The following DSCAML1 variants were observed in gnomAD, a reference collection of about 807,000 sequenced individuals.
DSCAML1 encodes cell adhesion molecule DSCAML1.
DSCAML1 carries 38 observed loss-of-function variants against 200.5 expected under a neutral mutation model. The ratio of observed to expected loss-of-function variants is 0.19; its 90% CI spans 0.15 to 0.25. The LOEUF (loss-of-function observed/expected upper bound fraction) is 0.25. Among genes scored for constraint, DSCAML1 ranks in the 10% least tolerant of loss-of-function variants. The pLI is 1.00. For missense variants in DSCAML1, 2,223 were observed against 2,858.8 expected, an observed-to-expected ratio of 0.78 and a Z score of 5.07; for synonymous variants, 1,215 against 1,165.0, an observed-to-expected ratio of 1.04 and a Z score of -0.87.
intron 24 of DSCAML1, among the ~76,000 whole-genome samples, chr11:117,438,622 G>C (rs932461835): frequency 6.6e-6 from 1 of 152,122 alleles, no homozygotes; most frequent in East Asian, 1.9e-4. Context: ...CGACAGATTG[G>C]GAAACCCAGA....
At chr11:117,512,643 TACACACACAC>T (rs71037481) in intron 8 of DSCAML1, among the ~76,000 whole-genome samples, 14,120 of 124,988 alleles carry the variant, frequency 0.11, 841 homozygotes, top group East Asian at 0.25. Context: ...CAAGCGTGTG[TACACACACAC>T]ACACACACAC....
intron 22 of DSCAML1, 55 bp downstream of exon 22, chr11:117,439,764 T>C (rs2048005578): frequency 2.0e-6 from 3 of 1,532,318 alleles, no homozygotes; most frequent in Non-Finnish European, 2.7e-6. Flanking sequence ...CACACCGCTC[T>C]TCTACTATAT....
Position 117,431,604 on chromosome 11 carries a change from G to T in DSCAML1, c.5304C>A (p.Thr1768=). The change falls in exon 31 of 33, where the codon ACC becomes ACA. Residue 1768 remains threonine, a synonymous_variant. Coordinates refer to ENST00000651296, the MANE Select transcript of DSCAML1 (RefSeq NM_020693.4). The part of the protein sequence containing the change: ...PARTLTSDWR[T]VGSQHGVTVT... ...CCGTGACACCATGCTGGGAGCCCAC[G>T]GTGCGCCAGTCGGAGGTGAGGGTGC... is the stretch of plus-strand genomic sequence containing the variant. 6.2e-7 allele frequency: 1 copy of T among 1,613,024 alleles called. No homozygotes were observed. Among genetic ancestry groups the T allele is most frequent in the Non-Finnish European group, 8.5e-7 (1 of 1,179,350 alleles).
At chr11:117,471,203 C>A (rs1252023206) in intron 15 of DSCAML1, among the ~76,000 whole-genome samples, 3 of 149,978 alleles carry the variant, frequency 2.0e-5, no homozygotes, top group Admixed American at 2.0e-4. Flanking sequence ...ATGGAGTCTT[C>A]CTCTGTCGCC....
chr11:117,431,977 G>A (rs924076196), intron 30 of DSCAML1, among the ~76,000 whole-genome samples: 2 of 152,116 alleles, frequency 1.3e-5, no homozygotes, highest in Non-Finnish European at 2.9e-5. Context: ...TTCCACCTGG[G>A]GGAGAATGTG....
intron 19 of DSCAML1, 59 bp downstream of exon 19, chr11:117,458,695 G>T: frequency 6.3e-7 from 1 of 1,587,626 alleles, no homozygotes; most frequent in East Asian, 2.3e-5. Context: ...CTGGGGTGGG[G>T]CTGGGGGTTA....
At chr11:117,704,506 T>C (rs1429758729) in intron 3 of DSCAML1, among the ~76,000 whole-genome samples, 1 of 152,156 alleles carries the variant, frequency 6.6e-6, no homozygotes, top group Non-Finnish European at 1.5e-5. Context: ...ATCTTGTAGT[T>C]GAAACTCAGA....
intron 3 of DSCAML1, among the ~76,000 whole-genome samples, chr11:117,674,457 G>T (rs1022803933): frequency 2.6e-5 from 4 of 152,192 alleles, no homozygotes; most frequent in African/African-American, 9.6e-5. Context: ...GAACTGCCAT[G>T]ATCCTCTCAG....
At chr11:117,608,606 T>C (rs73590608) in intron 3 of DSCAML1, among the ~76,000 whole-genome samples, 2,265 of 152,350 alleles carry the variant, frequency 0.015, 57 homozygotes, top group African/African-American at 0.052. Context: ...AGATAGTCCA[T>C]TGTGTGGATG....
Position 117,516,386 on chromosome 11 carries a change from G to A in DSCAML1, c.1783+81C>T. 6.5e-7 allele frequency: 1 copy of A among 1,527,204 alleles called. No individual in the cohort carries two copies. The highest frequency in any genetic ancestry group is 8.8e-7 in the Non-Finnish European group (1 of 1,130,152). 94.6% of individuals were successfully genotyped at this position (1,527,204 alleles called of 1,614,324 possible). ...CGTTCACCCAGGATTGCCTATTGTTGTCTGAGTCCCAGCTGGGGAAAGGCC... is the reference window on the plus strand; with the variant it reads ...CGTTCACCCAGGATTGCCTATTGTTATCTGAGTCCCAGCTGGGGAAAGGCC... On this transcript the variant is annotated intron_variant, in intron 8 of 32. Coordinates refer to ENST00000651296, the MANE Select transcript of DSCAML1 (RefSeq NM_020693.4). This position sits in a 1 kb window ranked among gnomAD's most constrained non-coding sequence, Gnocchi z 5.7.
chr11:117,712,899 G>GTGTGCTCATT (rs1173360828), intron 3 of DSCAML1, among the ~76,000 whole-genome samples: 53 of 152,106 alleles, frequency 3.5e-4, no homozygotes, highest in African/African-American at 1.3e-3. Context: ...GGCTGAGTGA[G>GTGTGCTCATT]TGTGCTCATT....
intron 3 of DSCAML1, among the ~76,000 whole-genome samples, chr11:117,596,692 AAGT>A (rs1464142758): frequency 1.3e-5 from 2 of 152,230 alleles, no homozygotes; most frequent in East Asian, 3.8e-4. Context: ...TACAGGGAAA[AAGT>A]AGTGAAAAGG....
intron 3 of DSCAML1, among the ~76,000 whole-genome samples, chr11:117,587,993 G>T (rs544819535): frequency 1.2e-4 from 18 of 152,278 alleles, no homozygotes; most frequent in African/African-American, 4.3e-4. Context: ...ACGACCACTG[G>T]CAGCAAATGG....
intron 3 of DSCAML1, among the ~76,000 whole-genome samples, chr11:117,764,222 T>TTTTGG (rs1322548852): frequency 1.4e-4 from 22 of 152,248 alleles, no homozygotes; most frequent in African/African-American, 5.1e-4. Context: ...CTTAGGTCCC[T>TTTTGG]GCTCTGGGGC....
At chr11:117,630,737 T>C (rs2052156296) in intron 3 of DSCAML1, among the ~76,000 whole-genome samples, 1 of 143,274 alleles carries the variant, frequency 7.0e-6, no homozygotes, top group Non-Finnish European at 1.5e-5. Context: ...GGAAGCCAAG[T>C]GACTCCAGAT....
intron 3 of DSCAML1, among the ~76,000 whole-genome samples, chr11:117,765,861 A>G (rs1320878577): frequency 1.3e-5 from 2 of 152,226 alleles, no homozygotes; most frequent in Admixed American, 6.5e-5. Flanking sequence ...CAGAGCCCAC[A>G]GGATTTTGCT....
intron 3 of DSCAML1, among the ~76,000 whole-genome samples, chr11:117,651,759 A>T (rs575937487): frequency 1.3e-5 from 2 of 151,382 alleles, no homozygotes; most frequent in African/African-American, 4.9e-5. Flanking sequence ...ATCCCTAAAA[A>T]TTTGTTGTCC....
At chr11:117,510,313 C>A (rs1460192100) in intron 8 of DSCAML1, among the ~76,000 whole-genome samples, 3 of 152,190 alleles carry the variant, frequency 2.0e-5, no homozygotes, top group Non-Finnish European at 4.4e-5. Flanking sequence ...CCAAAACACC[C>A]GGTTCCAGAC....
chr11:117,748,057 G>A (rs1310772479), intron 3 of DSCAML1, among the ~76,000 whole-genome samples: 1 of 152,156 alleles, frequency 6.6e-6, no homozygotes. Flanking sequence ...GACCTGCTCT[G>A]CTATTTACAA....
Sources: allele counts gnomAD v4.1 joint callset (sites outside exome capture counted in the v4.1 genomes callset), GRCh38; gene constraint gnomAD v4.1.1; non-coding constraint Gnocchi (gnomAD v3.1); transcripts MANE v1.5; gene names NCBI Gene and HGNC (gene_info 2026-07-23, HGNC 2026-07-21).